Variants in LRP1B observed in about 807,000 individuals in gnomAD.
LRP1B encodes the protein LDL receptor related protein 1B.
A neutral mutation model predicts 556.6 loss-of-function variants in LRP1B; 217 were observed. The observed-to-expected ratio is 0.39, with a 90% CI of 0.35 to 0.44. The LOEUF is 0.44. Among genes scored for constraint, LRP1B ranks in the 20% least tolerant of loss-of-function variants. The probability of loss-of-function intolerance (pLI) is 1.00; values close to 1 mark genes in which losing one functional copy is unlikely to be tolerated. For synonymous variants in LRP1B, 2,047 were observed against 1,865.8 expected (o/e 1.10, Z -2.50); for missense variants, 5,053 against 5,620.8 (o/e 0.90, Z 3.23).
At chr2:141,737,127 G>A (rs1693500373) in intron 2 of LRP1B, among the ~76,000 whole-genome samples, 1 of 152,168 alleles carries the variant, frequency 6.6e-6, no homozygotes, top group Non-Finnish European at 1.5e-5. Flanking sequence ...GCTTAGGCAG[G>A]TGGATCATGA....
At chr2:141,318,010 G>C (rs1227245558) in intron 3 of LRP1B, among the ~76,000 whole-genome samples, 1 of 151,972 alleles carries the variant, frequency 6.6e-6, no homozygotes, top group Admixed American at 6.6e-5. Context: ...CCCTCATGCA[G>C]TCAAAACAAC....
intron 1 of LRP1B, among the ~76,000 whole-genome samples, chr2:142,085,423 T>C (rs1046659897): frequency 3.9e-5 from 6 of 152,202 alleles, no homozygotes; most frequent in African/African-American, 1.4e-4. Flanking sequence ...AAAATCTATC[T>C]ATTCATTCAA....
At chr2:140,290,302 C>A (rs1683322752) in intron 84 of LRP1B, among the ~76,000 whole-genome samples, 1 of 151,964 alleles carries the variant, frequency 6.6e-6, no homozygotes, top group Non-Finnish European at 1.5e-5. Flanking sequence ...ACAATTATAG[C>A]AGATGCACTT....
At chr2:141,779,419 C>CTTT (rs34529015) in intron 2 of LRP1B, among the ~76,000 whole-genome samples, 13 of 130,824 alleles carry the variant, frequency 9.9e-5, no homozygotes, top group South Asian at 2.6e-4. Flanking sequence ...AAAATAAAAA[C>CTTT]TTTTTTTTTT....
intron 2 of LRP1B, among the ~76,000 whole-genome samples, chr2:141,564,604 C>T (rs1346977560): frequency 6.6e-6 from 1 of 151,982 alleles, no homozygotes; most frequent in Non-Finnish European, 1.5e-5. Flanking sequence ...CTGTTATGAT[C>T]CCCGAAGTTT....
chr2:140,536,469 GA>G (rs1214198090), intron 46 of LRP1B, 111 bp downstream of exon 46: 2 of 1,027,906 alleles, frequency 1.9e-6, no homozygotes, highest in Non-Finnish European at 2.8e-6. Context: ...ACAGGTTAAT[GA>G]GAGACATTAA....
At chr2:141,981,500 A>G (rs1354029496) in intron 1 of LRP1B, among the ~76,000 whole-genome samples, 2 of 152,136 alleles carry the variant, frequency 1.3e-5, no homozygotes, top group Non-Finnish European at 2.9e-5. Flanking sequence ...AGGGGTCCAG[A>G]GAATCACTCC....
chr2:140,921,147 A>G (rs975814225), intron 21 of LRP1B, among the ~76,000 whole-genome samples: 12 of 151,946 alleles, frequency 7.9e-5, no homozygotes, highest in Non-Finnish European at 1.3e-4. Flanking sequence ...GAAAGTTCAA[A>G]CTAGTTTTTA....
chr2:142,080,524 TAAAA>T (rs557528091), intron 1 of LRP1B, among the ~76,000 whole-genome samples: 2 of 146,722 alleles, frequency 1.4e-5, no homozygotes, highest in African/African-American at 5.0e-5. Flanking sequence ...GTTGAGTTTG[TAAAA>T]AAAATAAATA....
At chr2:140,319,018 C>A (rs1277910429) in intron 82 of LRP1B, among the ~76,000 whole-genome samples, 8 of 151,942 alleles carry the variant, frequency 5.3e-5, no homozygotes. Flanking sequence ...GTATAGAGTC[C>A]AAGCACAACA....
At chr2:141,499,116 A>G (rs1683621064) in intron 2 of LRP1B, among the ~76,000 whole-genome samples, 1 of 152,104 alleles carries the variant, frequency 6.6e-6, no homozygotes. Flanking sequence ...CATGTATTTA[A>G]TAATGCCCAT....
At chr2:140,712,923 G>GT (rs927048880) in intron 37 of LRP1B, among the ~76,000 whole-genome samples, 1 of 151,622 alleles carries the variant, frequency 6.6e-6, no homozygotes, top group Non-Finnish European at 1.5e-5. Context: ...TCAAATGGCT[G>GT]TTTTTGTTGC....
intron 3 of LRP1B, among the ~76,000 whole-genome samples, chr2:141,267,006 T>C (rs1010626175): frequency 6.6e-6 from 1 of 152,188 alleles, no homozygotes; most frequent in African/African-American, 2.4e-5. Context: ...AGGTTCTCTT[T>C]TCAGACTAAT....
chr2:140,434,156 G>A lies in LRP1B; in HGVS notation c.10414+8348C>T, dbSNP rs186229746. 2.0e-3 allele frequency among the ~76,000 whole-genome samples: 309 copies of A among 151,794 alleles called. 2 individuals carry two copies. Among genetic ancestry groups the A allele is most frequent in the Admixed American group, 4.1e-3 (63 of 15,210 alleles). ...GCGATCTCTGCTCACTGCAACCTCCGCCTCCTGGGTTCAAACGATTCTCCT... is the reference window on the plus strand; with the variant it reads ...GCGATCTCTGCTCACTGCAACCTCCACCTCCTGGGTTCAAACGATTCTCCT... On this transcript the variant is annotated intron_variant, in intron 66 of 90. Coordinates refer to ENST00000389484, the MANE Select transcript of LRP1B (RefSeq NM_018557.3).
chr2:140,505,478 C>T (rs1689370405), intron 53 of LRP1B, among the ~76,000 whole-genome samples: 1 of 152,144 alleles, frequency 6.6e-6, no homozygotes, highest in African/African-American at 2.4e-5. Context: ...ATTCTTGTTT[C>T]TATTTGACAT....
In LRP1B at chr2:140,931,444, G is replaced by A. The variant is rs577465161; in HGVS notation, c.3137-8297C>T. Among the ~76,000 whole-genome samples, 11 of 151,644 alleles carry A rather than the reference G, an allele frequency of 7.3e-5. No homozygotes were observed. In the East Asian group the frequency reaches 7.8e-4, roughly 11 times the overall value. On this transcript the variant is annotated intron_variant, in intron 20 of 90. Transcript: ENST00000389484. ...ATATTGGATGAAACCATCAAAATTC[G>A]TCATGAGTACATAGACTTTAGGACT...
intron 1 of LRP1B, among the ~76,000 whole-genome samples, chr2:141,836,818 AT>A (rs908899659): frequency 1.2e-4 from 19 of 152,108 alleles, no homozygotes; most frequent in Admixed American, 1.2e-3. Context: ...ACAGTAGGTA[AT>A]TTTTGGTCTT....
At chr2:141,873,533 T>G (rs1406546677) in intron 1 of LRP1B, among the ~76,000 whole-genome samples, 3 of 151,986 alleles carry the variant, frequency 2.0e-5, no homozygotes, top group Non-Finnish European at 4.4e-5. Context: ...TCAGAGCTAT[T>G]AGTATGACTT....
chr2:140,912,416 T>C (rs1274894593), intron 21 of LRP1B, among the ~76,000 whole-genome samples: 5 of 151,610 alleles, frequency 3.3e-5, no homozygotes, highest in African/African-American at 9.7e-5. Flanking sequence ...TTATTAATAA[T>C]AGTAAAACAT....
Sources: allele counts gnomAD v4.1 joint callset (sites outside exome capture counted in the v4.1 genomes callset), GRCh38; gene constraint gnomAD v4.1.1; transcripts MANE v1.5; gene names NCBI Gene and HGNC (gene_info 2026-07-23, HGNC 2026-07-21).